The following NXN variants were observed in gnomAD, a reference collection of about 807,000 sequenced individuals.
NXN encodes the protein nucleoredoxin.
Under a neutral mutation model 48.6 loss-of-function variants are expected in NXN, and 16 were observed. The ratio of observed to expected loss-of-function variants is 0.33; its 90% CI spans 0.22 to 0.50. The LOEUF (loss-of-function observed/expected upper bound fraction) is 0.50. NXN is among the 20% of genes least tolerant of loss of function. NXN has a pLI of 0.98. For missense variants in NXN, 492 were observed against 605.5 expected, an observed-to-expected ratio of 0.81 and a Z score of 1.97; for synonymous variants, 281 against 269.6, an observed-to-expected ratio of 1.04 and a Z score of -0.41.
chr17:878,796 A>G (rs1479248711), intron 1 of NXN, among the ~76,000 whole-genome samples: 1 of 152,174 alleles, frequency 6.6e-6, no homozygotes, highest in African/African-American at 2.4e-5. Context: ...GACCCTATTC[A>G]TAACCAGAGC....
chr17:835,188 C>G (rs374595457), intron 1 of NXN, among the ~76,000 whole-genome samples: 4,603 of 150,876 alleles, frequency 0.031, 82 homozygotes, highest in Non-Finnish European at 0.046. Context: ...GGTGCCTGTA[C>G]TCCCAGCTAC....
chr17:891,250 A>G (rs2068413959), intron 1 of NXN, among the ~76,000 whole-genome samples: 1 of 152,064 alleles, frequency 6.6e-6, no homozygotes, highest in African/African-American at 2.4e-5. Flanking sequence ...AATTTTTTGT[A>G]GAAATGAGGT....
At chr17:844,002 T>C (rs2067830433) in intron 1 of NXN, among the ~76,000 whole-genome samples, 1 of 152,234 alleles carries the variant, frequency 6.6e-6, no homozygotes, top group African/African-American at 2.4e-5. Flanking sequence ...CTTTGGGGAA[T>C]CTGCTGCAAA....
At chr17:894,675 A>AGCACCCTGGAAGCCAGAGGAAGC (rs1424143200) in intron 1 of NXN, among the ~76,000 whole-genome samples, 8 of 152,180 alleles carry the variant, frequency 5.3e-5, no homozygotes, top group East Asian at 3.9e-4. Flanking sequence ...GAAGCATCTC[A>AGCACCCTGGAAGCCAGAGGAAGC]ATGCCCAGAA....
At chr17:816,505 C>G (rs1912481872) in intron 5 of NXN, among the ~76,000 whole-genome samples, 1 of 151,984 alleles carries the variant, frequency 6.6e-6, no homozygotes, top group African/African-American at 2.4e-5. Context: ...TCCGTTCCTA[C>G]TTGGTTTCCA....
Position 917,881 on chromosome 17 carries a change from G to A in NXN, c.360+61438C>T, listed in dbSNP as rs2144942174. ...TCCAAACAAAGGGGACTGCGTACTG[G>A]TGAAGAAGAATGTGGTCTGTATTCA... On this transcript the variant is annotated intron_variant, in intron 1 of 7. Coordinates refer to ENST00000336868, the MANE Select transcript of NXN (RefSeq NM_022463.5). This position sits in a 1 kb window ranked among gnomAD's most constrained non-coding sequence, Gnocchi z 4.5. Among the ~76,000 whole-genome samples, 1 of 152,338 alleles carries A rather than the reference G, an allele frequency of 6.6e-6. No homozygotes were observed. Among genetic ancestry groups the A allele is most frequent in the South Asian group, 2.1e-4 (1 of 4,824 alleles).
chr17:847,028 T>G (rs929885479), intron 1 of NXN, among the ~76,000 whole-genome samples: 4 of 152,100 alleles, frequency 2.6e-5, no homozygotes, highest in African/African-American at 9.7e-5. Context: ...CAAATGCTAT[T>G]ATAAATTCCA....
chr17:978,151 C>T lies in NXN; in HGVS notation c.360+1168G>A, dbSNP rs534051525. The T allele has an allele frequency of 1.8e-4, 27 of 152,322 alleles. No homozygotes were observed. The highest frequency in any genetic ancestry group is 6.0e-4 in the African/African-American group (25 of 41,568). The allele number at this position is 152,322 out of a possible 1,614,324, so 9.4% of individuals were successfully genotyped here. On this transcript the variant is annotated intron_variant, in intron 1 of 7. Coordinates refer to ENST00000336868, the MANE Select transcript of NXN (RefSeq NM_022463.5). This position sits in a 1 kb window ranked among gnomAD's most constrained non-coding sequence, Gnocchi z 4.1. ...GGAACACGTGGCACGCCTCGCCATGCTCCCCAGAGGAAACTAAACGCCCCC... is the reference window on the plus strand; with the variant it reads ...GGAACACGTGGCACGCCTCGCCATGTTCCCCAGAGGAAACTAAACGCCCCC...
chr17:882,053 T>G (rs1397700356), intron 1 of NXN, among the ~76,000 whole-genome samples: 3 of 152,174 alleles, frequency 2.0e-5, no homozygotes. Flanking sequence ...TCAAACACAC[T>G]GAGCTGGGTC....
At position 808,083 on chromosome 17, in the gene NXN, G is replaced by A. The variant is rs118106257; in HGVS notation, c.821-2836C>T. 3.4e-4 allele frequency among the ~76,000 whole-genome samples: 52 copies of A among 152,298 alleles called. 1 individual carries two copies. The East Asian group carries it at 9.8e-3, about 29-fold the overall frequency. Reference sequence around the variant, plus strand: ...TGATCCACCTGTTGCAGAAGCTGCTGCTCTTCCTGCCAGGCCGTGGACGCT... The same window carrying A: ...TGATCCACCTGTTGCAGAAGCTGCTACTCTTCCTGCCAGGCCGTGGACGCT... On this transcript the variant is annotated intron_variant, in intron 5 of 7. Coordinates refer to ENST00000336868, the MANE Select transcript of NXN (RefSeq NM_022463.5).
At chr17:868,734 C>T (rs553211200) in intron 1 of NXN, among the ~76,000 whole-genome samples, 20 of 152,246 alleles carry the variant, frequency 1.3e-4, no homozygotes, top group African/African-American at 2.2e-4. Flanking sequence ...CCTCGTGATC[C>T]GCCCGCCTCG....
At position 979,517 on chromosome 17, in the gene NXN, G is replaced by C; in HGVS notation, c.162C>G (p.Ala54=). The C allele has an allele frequency of 7.9e-7, 1 of 1,261,374 alleles. No homozygotes were observed. The highest frequency in any genetic ancestry group is 3.4e-5 in the East Asian group (1 of 29,830). 78.1% of individuals were successfully genotyped at this position (1,261,374 alleles called of 1,614,324 possible). The change falls in exon 1 of 8, where the codon GCC becomes GCG. Residue 54 remains alanine, a synonymous_variant. Coordinates refer to ENST00000336868, the MANE Select transcript of NXN (RefSeq NM_022463.5). ...APCAQLSASL[A]AFYGRLRGDA... is the part of the protein sequence containing the mutation. ...CCCCCCGCAGGCGCCCGTAGAAGGC[G>C]GCCAGGCTGGCGCTGAGCTGCGCGC... is the stretch of plus-strand genomic sequence containing the variant.
intron 1 of NXN, among the ~76,000 whole-genome samples, chr17:874,510 A>G (rs2144816248): frequency 6.6e-6 from 1 of 152,288 alleles, no homozygotes; most frequent in South Asian, 2.1e-4. Flanking sequence ...CTTGAACCCG[A>G]GAGGCAGAGG....
intron 1 of NXN, among the ~76,000 whole-genome samples, chr17:962,809 A>T (rs551973155): frequency 6.6e-6 from 1 of 152,310 alleles, no homozygotes; most frequent in East Asian, 1.9e-4. Flanking sequence ...TCAGAGAATG[A>T]GCCTCTCAGC....
intron 1 of NXN, among the ~76,000 whole-genome samples, chr17:908,708 C>T (rs1186564561): frequency 6.6e-6 from 1 of 152,180 alleles, no homozygotes; most frequent in Non-Finnish European, 1.5e-5. Context: ...CAACAACTGT[C>T]TTCAGACCAA....
intron 1 of NXN, among the ~76,000 whole-genome samples, chr17:895,684 G>C (rs1198870505): frequency 1.3e-5 from 2 of 151,330 alleles, no homozygotes; most frequent in East Asian, 3.9e-4. Context: ...CAGGCGTGGT[G>C]GTGGGCACCT....
intron 1 of NXN, among the ~76,000 whole-genome samples, chr17:827,615 T>A (rs1042070016): frequency 2.6e-5 from 4 of 152,154 alleles, no homozygotes; most frequent in African/African-American, 4.8e-5. Context: ...AGAGTGAGAC[T>A]CCGTCTCAAA....
At chr17:940,085 C>T (rs1414016999) in intron 1 of NXN, among the ~76,000 whole-genome samples, 2 of 152,028 alleles carry the variant, frequency 1.3e-5, no homozygotes, top group Admixed American at 6.6e-5. Context: ...AGGCACAGGC[C>T]ACCACGCCAG....
rs139137863 is a variant in NXN, at chr17:959,107, G to A, written c.360+20212C>T. 347 of 363,346 alleles carry A rather than the reference G, an allele frequency of 9.6e-4. 3 individuals carry two copies. The East Asian group carries it at 0.014, about 15-fold the overall frequency. The allele number at this position is 363,346 out of a possible 1,614,324, so 22.5% of individuals were successfully genotyped here. A position where few individuals can be genotyped will look rare whatever the true frequency, so the allele number is the denominator to read the frequency against. On this transcript the variant is annotated intron_variant, in intron 1 of 7. Coordinates refer to ENST00000336868, the MANE Select transcript of NXN (RefSeq NM_022463.5). ...GTGGCTGGAGGCGCGTCGACCTGAT[G>A]TATGGCCAGGAGCTGCTGGGGCCCA... is the stretch of plus-strand genomic sequence containing the variant.
Sources: gnomAD v4.1 joint callset for allele counts (sites outside exome capture counted in the v4.1 genomes callset) on GRCh38, gnomAD v4.1.1 for gene constraint, Gnocchi (gnomAD v3.1) non-coding constraint, MANE v1.5 for transcripts, NCBI Gene and HGNC (gene_info 2026-07-23, HGNC 2026-07-21) for gene names.